Variants in ADAMTS19 observed in about 807,000 individuals in gnomAD.
ADAMTS19 encodes ADAM metallopeptidase with thrombospondin type 1 motif 19.
In ADAMTS19, 93 loss-of-function variants were observed where a neutral mutation model predicts 153.3. The ratio of observed to expected loss-of-function variants is 0.61; its 90% CI spans 0.51 to 0.72. The LOEUF is 0.72. ADAMTS19 is among the 30% of genes least tolerant of loss of function. The pLI, the probability that ADAMTS19 is intolerant of heterozygous loss-of-function variation, is 0.00. For synonymous variants in ADAMTS19, 600 were observed against 556.6 expected (o/e 1.08, Z -1.10); for missense variants, 1,482 against 1,552.1 (o/e 0.95, Z 0.76).
intron 6 of ADAMTS19, among the ~76,000 whole-genome samples, chr5:129,538,543 A>G (rs1478607505): frequency 2.6e-5 from 4 of 152,098 alleles, no homozygotes; most frequent in African/African-American, 9.7e-5. Flanking sequence ...CCTTGTTGCT[A>G]GCTTTCCCTA....
chr5:129,463,600 G>T (rs1580973126), intron 2 of ADAMTS19, among the ~76,000 whole-genome samples: 1 of 152,148 alleles, frequency 6.6e-6, no homozygotes, highest in East Asian at 1.9e-4. Context: ...AAATAGCCAA[G>T]AAGGGTGGGT....
At position 129,597,389 on chromosome 5, in the gene ADAMTS19, GAAA is replaced by G. The variant is rs201777533; in HGVS notation, c.1478+726_1478+728del. On this transcript the variant is annotated intron_variant, in intron 8 of 22. Coordinates refer to ENST00000274487, the MANE Select transcript of ADAMTS19 (RefSeq NM_133638.6). The stretch of plus-strand genomic sequence containing the variant: ...GTACCCATTTTATTGGAAAAATACA[GAAA>G]TATAGAGAATTTACCCTCCTGAAAT... 1.4e-3 allele frequency among the ~76,000 whole-genome samples: 215 copies of G among 152,180 alleles called. 3 individuals carry two copies. The East Asian group carries it at 0.026, about 18-fold the overall frequency.
chr5:129,607,166 G>T (rs772027616), intron 8 of ADAMTS19, among the ~76,000 whole-genome samples: 2 of 152,064 alleles, frequency 1.3e-5, no homozygotes, highest in African/African-American at 4.8e-5. Flanking sequence ...ATCCACCCGC[G>T]GTGGCCTCCC....
intron 22 of ADAMTS19, 146 bp downstream of exon 22, chr5:129,735,255 A>G (rs1322288154): frequency 1.2e-6 from 1 of 832,716 alleles, no homozygotes; most frequent in Non-Finnish European, 1.7e-6. Flanking sequence ...TTTAAATATG[A>G]TTTCGTCCAA....
At chr5:129,466,290 G>T (rs1463670324) in intron 2 of ADAMTS19, among the ~76,000 whole-genome samples, 1 of 151,926 alleles carries the variant, frequency 6.6e-6, no homozygotes, top group East Asian at 1.9e-4. Context: ...GGGAAACCAA[G>T]AAAAGATGAG....
In ADAMTS19 at chr5:129,498,806, T is replaced by TC. The variant is rs1200219181; in HGVS notation, c.748-10271_748-10270insC. Among the ~76,000 whole-genome samples, 817 of 151,702 alleles carry TC rather than the reference T, an allele frequency of 5.4e-3. 11 individuals carry two copies. The highest frequency in any genetic ancestry group is 0.018 in the African/African-American group (759 of 41,328). On this transcript the variant is annotated intron_variant, in intron 2 of 22. Transcript: ENST00000274487. ...TCTCTAGCATTCACTCTATTTTTTT[T>TC]TTTTTTTGATCTTTCTTTGTTTCTT...
rs181473372 is a variant in ADAMTS19 at position 129,542,050 on chromosome 5, T to G, written c.1329-9814T>G. Among the ~76,000 whole-genome samples the G allele has an allele frequency of 3.5e-3, 526 of 152,250 alleles. 4 individuals are homozygous for G. Among genetic ancestry groups the G allele is most frequent in the African/African-American group, 0.012 (495 of 41,560 alleles). ...AGCAGAAATTATTTTCCTTTATCAT[T>G]AGGATATTGTTTGTTTTGAGCCACA... On this transcript the variant is annotated intron_variant, in intron 6 of 22. Transcript: ENST00000274487.
intron 17 of ADAMTS19, among the ~76,000 whole-genome samples, chr5:129,680,621 G>T (rs1337568418): frequency 3.2e-4 from 49 of 151,966 alleles, no homozygotes; most frequent in Admixed American, 3.1e-3. Flanking sequence ...AATTAGCTGG[G>T]CATGGTGACG....
intron 21 of ADAMTS19, among the ~76,000 whole-genome samples, chr5:129,705,850 G>A (rs2127170284): frequency 6.6e-6 from 1 of 152,296 alleles, no homozygotes; most frequent in African/African-American, 2.4e-5. Context: ...GCATAGATGG[G>A]TAAAGTGGTT....
intron 10 of ADAMTS19, among the ~76,000 whole-genome samples, chr5:129,623,640 ATTTG>A (rs1345605886): frequency 2.0e-5 from 3 of 152,270 alleles, no homozygotes; most frequent in African/African-American, 4.8e-5. Flanking sequence ...TTGTGCACTT[ATTTG>A]TTTATTAATT....
In ADAMTS19 at chr5:129,658,369, GA is replaced by G. The variant is rs1753678661; in HGVS notation, c.2305-247del. ...AGAAAGAAAGAAAGAAAGAAAGAAA[GA>G]GAGAGAGGAAGGAAGGAAGGTAGGT... is the stretch of plus-strand genomic sequence containing the variant. On this transcript the variant is annotated intron_variant, in intron 14 of 22. Coordinates refer to ENST00000274487, the MANE Select transcript of ADAMTS19 (RefSeq NM_133638.6). Among the ~76,000 whole-genome samples the G allele has an allele frequency of 4.7e-5, 7 of 150,184 alleles. 1 individual carries two copies. The highest frequency in any genetic ancestry group is 3.3e-4 in the Admixed American group (5 of 15,146).
In ADAMTS19 at chr5:129,620,653, G is replaced by A. The variant is rs780369113; in HGVS notation, c.1514G>A (p.Cys505Tyr). 1 of 1,611,520 alleles carries A rather than the reference G, an allele frequency of 6.2e-7. No homozygotes were observed. The highest frequency in any genetic ancestry group is 1.1e-5 in the South Asian group (1 of 90,794). Reference protein sequence around the residue: ...GINHDNDHPSCADGLHIMSGE... With the variant: ...GINHDNDHPSYADGLHIMSGE... ...AACCATGACAATGACCACCCATCGT[G>A]TGCTGATGGTCTTCATATCATGTCT... is the stretch of plus-strand genomic sequence containing the variant. The change falls in exon 9 of 23, where the codon TGT (cysteine) becomes TAT (tyrosine). Residue 505 changes from cysteine (C) to tyrosine (Y), a missense_variant. Physicochemically the swap from Cys to Tyr is radical, Grantham distance 194. Around this residue, in one of 2 missense-constraint regions of ADAMTS19, gnomAD observed 866 missense variants for 827.7 expected, o/e 1.05. Coordinates refer to ENST00000274487, the MANE Select transcript of ADAMTS19 (RefSeq NM_133638.6).
At chr5:129,634,319 G>A (rs1365038095) in intron 10 of ADAMTS19, among the ~76,000 whole-genome samples, 1 of 152,132 alleles carries the variant, frequency 6.6e-6, no homozygotes, top group Non-Finnish European at 1.5e-5. Flanking sequence ...CCATGCTTAT[G>A]TATAGGAAGA....
At chr5:129,533,800 G>C (rs1161549474) in intron 6 of ADAMTS19, among the ~76,000 whole-genome samples, 1 of 151,824 alleles carries the variant, frequency 6.6e-6, no homozygotes, top group Non-Finnish European at 1.5e-5. Context: ...TTGTGTCTTT[G>C]TTCTCGTTGG....
chr5:129,645,478 G>T lies in ADAMTS19; in HGVS notation c.1873-2287G>T, dbSNP rs936194083. On this transcript the variant is annotated intron_variant, in intron 11 of 22. Transcript: ENST00000274487. ...GCTTCATCCAGACATCTGGTTATCT[G>T]CAAGGTGACAAACTTTAAATACTAT... 1.1e-3 allele frequency among the ~76,000 whole-genome samples: 172 copies of T among 152,178 alleles called. 1 individual carries two copies. The highest frequency in any genetic ancestry group is 8.2e-4 in the Non-Finnish European group (56 of 68,030).
At chr5:129,504,972 G>A (rs1751226228) in intron 2 of ADAMTS19, among the ~76,000 whole-genome samples, 1 of 151,794 alleles carries the variant, frequency 6.6e-6, no homozygotes, top group African/African-American at 2.4e-5. Context: ...GTTGTTAATA[G>A]TGGTGCAATA....
chr5:129,620,870 A>C (rs1439348535), intron 9 of ADAMTS19, 112 bp downstream of exon 9: 2 of 1,149,850 alleles, frequency 1.7e-6, no homozygotes, highest in Non-Finnish European at 1.2e-6. Context: ...GTAAAACTGA[A>C]GGTACTTGGT....
At chr5:129,675,631 C>T (rs1355846979) in intron 16 of ADAMTS19, among the ~76,000 whole-genome samples, 3 of 152,012 alleles carry the variant, frequency 2.0e-5, no homozygotes, top group African/African-American at 4.8e-5. Flanking sequence ...TTCTATTTTA[C>T]ATATTTTATT....
At position 129,461,637 on chromosome 5, in the gene ADAMTS19, C is replaced by CGGCCCT; in HGVS notation, c.627_628insGGCCCT (p.Gly208_Pro209dup). The CGGCCCT allele has an allele frequency of 6.3e-7, 1 of 1,594,224 alleles. No individual in the cohort carries two copies. Among genetic ancestry groups the CGGCCCT allele is most frequent in the Non-Finnish European group, 8.5e-7 (1 of 1,176,348 alleles). ...AGCGGCCAAATCCCGGCCCCGGCCC[C>CGGCCCT]ACGGGGGCAGCATCCGCCCCGCAAC... On this transcript the variant is annotated inframe_insertion, in exon 2 of 23. Transcript: ENST00000274487. The surrounding 1 kb of genome is among the most constrained non-coding windows in gnomAD (Gnocchi z 4.6).
Sources: allele counts gnomAD v4.1 joint callset (sites outside exome capture counted in the v4.1 genomes callset), GRCh38; gene constraint gnomAD v4.1.1; regional missense constraint gnomAD v4.1.1; non-coding constraint Gnocchi (gnomAD v3.1); transcripts MANE v1.5; gene names NCBI Gene and HGNC (gene_info 2026-07-23, HGNC 2026-07-21).